FHOD3: variants seen among roughly 807,000 people sequenced by gnomAD.
FHOD3 encodes the protein FH1/FH2 domain-containing protein 3.
In FHOD3, 90 loss-of-function variants were observed where a neutral mutation model predicts 173.0. The observed-to-expected ratio is 0.52, with a 90% confidence interval of 0.44 to 0.62. FHOD3 has a LOEUF of 0.62. FHOD3 is among the 20% of genes least tolerant of loss of function. The pLI, the probability that FHOD3 is intolerant of heterozygous loss-of-function variation, is 0.00. For synonymous variants in FHOD3, 828 were observed against 823.0 expected, an observed-to-expected ratio of 1.01 and a Z score of -0.10; for missense variants, 1,945 against 2,034.7, an observed-to-expected ratio of 0.96 and a Z score of 0.85.
intron 17 of FHOD3, among the ~76,000 whole-genome samples, chr18:36,694,470 C>T (rs1413080388): frequency 6.6e-6 from 1 of 152,184 alleles, no homozygotes; most frequent in Non-Finnish European, 1.5e-5. Context: ...GGAAGATTGT[C>T]CCAGGCAGAT....
At chr18:36,739,511 G>A (rs891558086) in intron 20 of FHOD3, among the ~76,000 whole-genome samples, 1 of 152,152 alleles carries the variant, frequency 6.6e-6, no homozygotes, top group African/African-American at 2.4e-5. Context: ...AATTATACTG[G>A]TATTTTGATT....
chr18:36,519,955 ATT>A (rs11449846), intron 5 of FHOD3, among the ~76,000 whole-genome samples: 16 of 132,068 alleles, frequency 1.2e-4, no homozygotes, highest in Non-Finnish European at 1.9e-4. Context: ...CTTTTCTTTC[ATT>A]TTTTTTTTTT....
At chr18:36,489,386 G>A (rs1182661411) in intron 3 of FHOD3, among the ~76,000 whole-genome samples, 1 of 152,212 alleles carries the variant, frequency 6.6e-6, no homozygotes, top group Non-Finnish European at 1.5e-5. Flanking sequence ...ACCAACTCGG[G>A]TGCGTGTTCT....
intron 6 of FHOD3, among the ~76,000 whole-genome samples, chr18:36,588,017 T>G (rs1385957732): frequency 6.6e-6 from 1 of 152,232 alleles, no homozygotes; most frequent in Admixed American, 6.5e-5. Flanking sequence ...CTTCCTGTTC[T>G]GGTGGATGTG....
At chr18:36,645,809 G>T (rs1368539389) in intron 10 of FHOD3, among the ~76,000 whole-genome samples, 1 of 151,974 alleles carries the variant, frequency 6.6e-6, no homozygotes, top group East Asian at 1.9e-4. Context: ...TTTTAAAAAA[G>T]CAGTCTTCAT....
At chr18:36,720,814 T>G (rs947631982) in intron 19 of FHOD3, among the ~76,000 whole-genome samples, 4 of 151,022 alleles carry the variant, frequency 2.6e-5, no homozygotes, top group Non-Finnish European at 5.9e-5. Flanking sequence ...CTTCCTCCCC[T>G]CATTGCCCAC....
rs78920846 is a variant in FHOD3, at chr18:36,352,712, G to A, written c.166-2827G>A. ...TCTTTAGGCTCATGTGTTTCCAGGG[G>A]TTGAGGAAAAGGACATTGTGATGGC... On this transcript the variant is annotated intron_variant, in intron 1 of 28. Coordinates refer to ENST00000590592, the MANE Select transcript of FHOD3 (RefSeq NM_001281740.3). Among the ~76,000 whole-genome samples, 1,029 of 152,324 alleles carry A rather than the reference G, an allele frequency of 6.8e-3. 10 individuals carry two copies. Among genetic ancestry groups the A allele is most frequent in the African/African-American group, 0.024 (979 of 41,572 alleles).
At chr18:36,521,737 C>T (rs1240586341) in intron 5 of FHOD3, among the ~76,000 whole-genome samples, 1 of 152,158 alleles carries the variant, frequency 6.6e-6, no homozygotes, top group Non-Finnish European at 1.5e-5. Flanking sequence ...GATCTGTTCT[C>T]CTTAGTCCTT....
intron 4 of FHOD3, among the ~76,000 whole-genome samples, chr18:36,502,555 C>A (rs1218745321): frequency 6.6e-6 from 1 of 152,170 alleles, no homozygotes; most frequent in Non-Finnish European, 1.5e-5. Flanking sequence ...TCATCCATGT[C>A]CCTGCAAAGG....
At chr18:36,490,869 G>T (rs75400370) in intron 3 of FHOD3, among the ~76,000 whole-genome samples, 1 of 152,228 alleles carries the variant, frequency 6.6e-6, no homozygotes, top group African/African-American at 2.4e-5. Context: ...GGAACATCCA[G>T]TGTCCTAAAA....
At chr18:36,394,335 A>G (rs1323041639) in intron 3 of FHOD3, among the ~76,000 whole-genome samples, 3 of 152,238 alleles carry the variant, frequency 2.0e-5, no homozygotes, top group Non-Finnish European at 4.4e-5. Context: ...TACAAAATAG[A>G]AAATAAGGAA....
intron 1 of FHOD3, among the ~76,000 whole-genome samples, chr18:36,321,183 G>A (rs532978113): frequency 2.0e-4 from 30 of 151,850 alleles, no homozygotes; most frequent in South Asian, 4.2e-4. Flanking sequence ...GTTCTGCATC[G>A]TTCTTCTGGT....
chr18:36,686,717 G>C (rs1295851570), intron 15 of FHOD3, among the ~76,000 whole-genome samples: 1 of 151,938 alleles, frequency 6.6e-6, no homozygotes, highest in Non-Finnish European at 1.5e-5. Context: ...AAGGAACTTA[G>C]ATTTAATTCT....
intron 28 of FHOD3, chr18:36,779,203 C>T: frequency 1.8e-6 from 1 of 554,334 alleles, no homozygotes. Flanking sequence ...CATCACTCCT[C>T]TCGGCCCTCC....
At chr18:36,700,628 TAGGTTTCACTTCTTCC>T (rs1186147128) in intron 17 of FHOD3, among the ~76,000 whole-genome samples, 13 of 152,134 alleles carry the variant, frequency 8.5e-5, no homozygotes, top group African/African-American at 3.1e-4. Flanking sequence ...TCACTTCTGA[TAGGTTTCACTTCTTCC>T]AGGCTCTTCT....
intron 18 of FHOD3, chr18:36,710,556 T>C (rs1192635202): frequency 6.6e-6 from 1 of 152,218 alleles, no homozygotes; most frequent in Non-Finnish European, 1.5e-5. Context: ...CTATTTGGAT[T>C]TTTTCCCAGT....
At chr18:36,307,092 T>C (rs1454129885) in intron 1 of FHOD3, among the ~76,000 whole-genome samples, 1 of 152,040 alleles carries the variant, frequency 6.6e-6, no homozygotes, top group Non-Finnish European at 1.5e-5. Context: ...GCCTCCCAAG[T>C]AGCTGGGATT....
At chr18:36,530,477 T>C (rs2056736614) in intron 5 of FHOD3, among the ~76,000 whole-genome samples, 1 of 152,216 alleles carries the variant, frequency 6.6e-6, no homozygotes, top group South Asian at 2.1e-4. Context: ...CTTGTGTTTG[T>C]GAGTGATTGT....
chr18:36,639,812 G>C (rs1436889693), intron 10 of FHOD3, among the ~76,000 whole-genome samples: 1 of 127,050 alleles, frequency 7.9e-6, no homozygotes, highest in African/African-American at 3.4e-5. Flanking sequence ...TTAGAATAAA[G>C]TGTTTTTTTT....
Sources: gnomAD v4.1 joint callset for allele counts (sites outside exome capture counted in the v4.1 genomes callset) on GRCh38, gnomAD v4.1.1 for gene constraint, MANE v1.5 for transcripts, NCBI Gene and HGNC (gene_info 2026-07-23, HGNC 2026-07-21) for gene names.